Variants in KIAA1217 observed in about 807,000 individuals in gnomAD.
The protein encoded by KIAA1217 is sickle tail protein homolog.
A neutral mutation model predicts 163.9 loss-of-function variants in KIAA1217; 88 were observed. The ratio of observed to expected loss-of-function variants is 0.54; its 90% CI spans 0.45 to 0.64. The LOEUF is 0.64. KIAA1217 is among the 30% of genes least tolerant of loss of function. The pLI is 0.00. For synonymous variants in KIAA1217, 903 were observed against 923.1 expected (o/e 0.98, Z 0.39); for missense variants, 2,372 against 2,475.0 (o/e 0.96, Z 0.88).
At chr10:24,477,813 C>G (rs1167021518) in intron 6 of KIAA1217, among the ~76,000 whole-genome samples, 1 of 152,092 alleles carries the variant, frequency 6.6e-6, no homozygotes, top group Non-Finnish European at 1.5e-5. Context: ...ACAGGAACAT[C>G]AGAAACAATT....
At chr10:24,101,331 AT>A (rs1187703213) in intron 2 of KIAA1217, among the ~76,000 whole-genome samples, 8 of 152,138 alleles carry the variant, frequency 5.3e-5, no homozygotes, top group Admixed American at 5.2e-4. Context: ...GAGTTTTATG[AT>A]TCTAAATTAT....
intron 1 of KIAA1217, among the ~76,000 whole-genome samples, chr10:23,799,041 G>A (rs1233026658): frequency 2.0e-5 from 3 of 152,216 alleles, no homozygotes. Flanking sequence ...CTCTTTCCCA[G>A]CTTCTGGTGG....
intron 5 of KIAA1217, among the ~76,000 whole-genome samples, chr10:24,469,780 T>G (rs1334735711): frequency 6.6e-6 from 1 of 151,922 alleles, no homozygotes; most frequent in African/African-American, 2.4e-5. Context: ...CCCAGCTAAT[T>G]TTTGTATTAT....
chr10:24,465,901 C>A (rs1193118332), intron 5 of KIAA1217, among the ~76,000 whole-genome samples: 1 of 152,158 alleles, frequency 6.6e-6, no homozygotes, highest in Non-Finnish European at 1.5e-5. Context: ...CCCCTCTGCA[C>A]AGCCCTGGTT....
At position 24,524,375 on chromosome 10, in the gene KIAA1217, T is replaced by A; in HGVS notation, c.2509T>A (p.Tyr837Asn). The change falls in exon 13 of 21, where the codon TAC becomes AAC. Residue 837 changes from tyrosine to asparagine, a missense_variant. By Grantham distance (143) the Tyr-to-Asn change is moderately radical (BLOSUM62 -2). Transcript: ENST00000376454. The stretch of plus-strand genomic sequence containing the variant: ...CACGGACGCAGCCCAAGCCGCACAG[T>A]ACATGGCTATGGAAAAGGCCACAGC... Reference protein sequence around the residue: ...KGTDAAQAAQYMAMEKATAAE... With the variant: ...KGTDAAQAAQNMAMEKATAAE... 6.2e-7 allele frequency: 1 copy of A among 1,614,156 alleles called. No individual in the cohort carries two copies. Among genetic ancestry groups the A allele is most frequent in the Non-Finnish European group, 8.5e-7 (1 of 1,180,024 alleles).
rs148459677 is a variant in KIAA1217 at position 24,544,217 on chromosome 10, A to G, written c.4947A>G (p.Thr1649=). The G allele has an allele frequency of 6.8e-6, 11 of 1,614,000 alleles. No homozygotes were observed. Among genetic ancestry groups the G allele is most frequent in the African/African-American group, 1.3e-5 (1 of 74,902 alleles). Residue 1649 remains threonine, a synonymous_variant, in exon 19 of 21, where the codon ACA becomes ACG. Transcript: ENST00000376454. The stretch of plus-strand genomic sequence containing the variant: ...AAGAGCAGCCCAGCATCGAGAGTAC[A>G]TCTCCGATTTCAAGAACTGATGAAA... ...RRQEQPSIES[T]SPISRTDEIR...
chr10:23,980,800 A>G (rs1845732781), intron 1 of KIAA1217, among the ~76,000 whole-genome samples: 1 of 152,176 alleles, frequency 6.6e-6, no homozygotes, highest in African/African-American at 2.4e-5. Context: ...ATCTGTTATC[A>G]TCTTTACTTC....
Position 24,544,121 on chromosome 10 carries a change from C to A in KIAA1217, c.4851C>A (p.His1617Gln), listed in dbSNP as rs746813431. The A allele has an allele frequency of 1.5e-5, 24 of 1,614,018 alleles. No homozygotes were observed. The highest frequency in any genetic ancestry group is 1.2e-4 in the Admixed American group (7 of 60,004). The change falls in exon 19 of 21, where the codon CAC becomes CAA. Residue 1617 changes from histidine (H) to glutamine (Q), a missense_variant. By Grantham distance (24) the His-to-Gln change is conservative. Transcript: ENST00000376454. Reference protein sequence around the residue: ...EEEEDGTLKQHKEAKRFEIAR... With the variant: ...EEEEDGTLKQQKEAKRFEIAR... ...AAGAGGATGGCACCCTGAAACAGCA[C>A]AAAGAAGCCAAGCGCTTCGAAATCG...
intron 1 of KIAA1217, among the ~76,000 whole-genome samples, chr10:23,935,884 G>T (rs1201779247): frequency 1.3e-5 from 2 of 152,112 alleles, no homozygotes; most frequent in African/African-American, 4.8e-5. Context: ...AAATGTCAGG[G>T]TCCCAACAGA....
chr10:24,155,902 A>C (rs201695468), intron 2 of KIAA1217, among the ~76,000 whole-genome samples: 1 of 152,176 alleles, frequency 6.6e-6, no homozygotes, highest in Non-Finnish European at 1.5e-5. Flanking sequence ...TTGAGCTAAG[A>C]GTTTTCTCTA....
chr10:24,271,996 C>CCAAA (rs1202454052), intron 2 of KIAA1217, among the ~76,000 whole-genome samples: 1 of 152,000 alleles, frequency 6.6e-6, no homozygotes, highest in Non-Finnish European at 1.5e-5. Context: ...CACAGAGAGA[C>CCAAA]CAAAGCCCAT....
At chr10:24,285,765 G>A (rs1210141175) in intron 2 of KIAA1217, among the ~76,000 whole-genome samples, 1 of 152,134 alleles carries the variant, frequency 6.6e-6, no homozygotes, top group East Asian at 1.9e-4. Flanking sequence ...TAGGAATAGT[G>A]TTGAATCTTT....
At chr10:24,016,048 G>A (rs1475512277) in intron 2 of KIAA1217, among the ~76,000 whole-genome samples, 2 of 152,204 alleles carry the variant, frequency 1.3e-5, no homozygotes, top group East Asian at 1.9e-4. Flanking sequence ...GGTACCATTT[G>A]ACACCTTAAT....
intron 1 of KIAA1217, among the ~76,000 whole-genome samples, chr10:23,727,617 T>G (rs1838243205): frequency 6.6e-6 from 1 of 152,200 alleles, no homozygotes; most frequent in South Asian, 2.1e-4. Context: ...TTTTTTCATT[T>G]AATATTTTTA....
At chr10:24,474,157 C>T in intron 6 of KIAA1217, 97 bp downstream of exon 6, 2 of 862,830 alleles carry the variant, frequency 2.3e-6, no homozygotes, top group Non-Finnish European at 3.6e-6. Flanking sequence ...AATGTCTGAG[C>T]ACCCATCTCT....
intron 2 of KIAA1217, among the ~76,000 whole-genome samples, chr10:24,134,480 C>T (rs982416517): frequency 3.9e-5 from 6 of 152,112 alleles, no homozygotes; most frequent in African/African-American, 1.4e-4. Flanking sequence ...GTAATAAGGG[C>T]AAAAGGAGAA....
intron 5 of KIAA1217, among the ~76,000 whole-genome samples, chr10:24,469,313 C>T (rs2063254824): frequency 6.6e-6 from 1 of 151,786 alleles, no homozygotes. Flanking sequence ...TTTATAGAGA[C>T]AGGGTTTTGC....
At chr10:24,025,481 T>C (rs1327044989) in intron 2 of KIAA1217, among the ~76,000 whole-genome samples, 1 of 151,758 alleles carries the variant, frequency 6.6e-6, no homozygotes, top group Non-Finnish European at 1.5e-5. Flanking sequence ...TCAAAATTCT[T>C]TTGGCTATTT....
At chr10:24,300,730 G>A (rs1381774744) in intron 2 of KIAA1217, among the ~76,000 whole-genome samples, 3 of 152,122 alleles carry the variant, frequency 2.0e-5, no homozygotes, top group East Asian at 3.9e-4. Flanking sequence ...ACCACACCTG[G>A]CTAATTTTGT....
Sources: gnomAD v4.1 joint callset for allele counts (sites outside exome capture counted in the v4.1 genomes callset) on GRCh38, gnomAD v4.1.1 for gene constraint, MANE v1.5 for transcripts, NCBI Gene and HGNC (gene_info 2026-07-23, HGNC 2026-07-21) for gene names.